The following KLF12 variants were observed in gnomAD, a reference collection of about 807,000 sequenced individuals.
KLF12 encodes the protein Krueppel-like factor 12.
In KLF12, 9 loss-of-function variants were observed where a neutral mutation model predicts 37.8. The ratio of observed to expected loss-of-function variants is 0.24; its 90% confidence interval spans 0.14 to 0.42. The LOEUF (loss-of-function observed/expected upper bound fraction) is 0.42, where lower values mean the gene tolerates loss of function less well. Ranked by LOEUF, KLF12 falls within the 10% of genes least tolerant of loss-of-function variation. The pLI, the probability that KLF12 is intolerant of heterozygous loss-of-function variation, is 1.00. For synonymous variants in KLF12, 208 were observed against 202.1 expected (o/e 1.03, Z -0.25); for missense variants, 411 against 516.0 (o/e 0.80, Z 1.97).
chr13:74,066,442 G>T (rs529428429), intron 1 of KLF12, among the ~76,000 whole-genome samples: 1 of 152,054 alleles, frequency 6.6e-6, no homozygotes, highest in Non-Finnish European at 1.5e-5. Flanking sequence ...TGGGAGGATC[G>T]CTTGAGCTCA....
the KLF12 span, among the ~76,000 whole-genome samples, chr13:74,273,007 T>C: frequency 1.3e-5 from 2 of 152,186 alleles, no homozygotes; most frequent in Non-Finnish European, 2.9e-5. Flanking sequence ...TTAAGCAAAC[T>C]GGGTCAAATG....
At chr13:74,217,560 C>T in the KLF12 span, among the ~76,000 whole-genome samples, 2 of 152,104 alleles carry the variant, frequency 1.3e-5, no homozygotes, top group Non-Finnish European at 2.9e-5. Flanking sequence ...AAGCCCATCT[C>T]TACTAAAAAT....
chr13:73,849,869 T>G (rs1033345234), intron 3 of KLF12, among the ~76,000 whole-genome samples: 5 of 152,194 alleles, frequency 3.3e-5, no homozygotes, highest in African/African-American at 1.2e-4. Flanking sequence ...GCTGAATTTT[T>G]GCTGTTGATG....
the KLF12 span, among the ~76,000 whole-genome samples, chr13:74,166,569 C>T: frequency 1.3e-5 from 2 of 152,216 alleles, no homozygotes; most frequent in Admixed American, 6.5e-5. Context: ...TTAAGTAGCT[C>T]ACTCCCATTA....
chr13:74,238,683 C>T, the KLF12 span, among the ~76,000 whole-genome samples: 2 of 149,682 alleles, frequency 1.3e-5, no homozygotes, highest in East Asian at 3.9e-4. Flanking sequence ...GTGTATGTGT[C>T]CAGGAATTTA....
chr13:74,052,978 C>T (rs933440848), intron 1 of KLF12, among the ~76,000 whole-genome samples: 14 of 152,116 alleles, frequency 9.2e-5, no homozygotes, highest in Admixed American at 8.5e-4. Context: ...TATCCACCAC[C>T]GTCATACAAG....
intron 3 of KLF12, among the ~76,000 whole-genome samples, chr13:73,912,892 G>A (rs1888637630): frequency 6.6e-6 from 1 of 151,812 alleles, no homozygotes; most frequent in African/African-American, 2.4e-5. Flanking sequence ...TGAAGCTTTA[G>A]GCTTCATCCT....
chr13:73,766,114 C>CA (rs374364211), intron 5 of KLF12, among the ~76,000 whole-genome samples: 1 of 152,324 alleles, frequency 6.6e-6, no homozygotes, highest in Non-Finnish European at 1.5e-5. Context: ...TTCTTTTCCT[C>CA]ACAGCGCTTC....
intron 5 of KLF12, among the ~76,000 whole-genome samples, chr13:73,780,607 A>G (rs550277113): frequency 2.0e-5 from 3 of 151,996 alleles, no homozygotes; most frequent in Admixed American, 6.6e-5. Flanking sequence ...AGCCTCTGGC[A>G]TGTGCCACCA....
At chr13:73,753,218 T>A (rs1028501354) in intron 6 of KLF12, among the ~76,000 whole-genome samples, 3 of 152,124 alleles carry the variant, frequency 2.0e-5, no homozygotes, top group Admixed American at 2.0e-4. Flanking sequence ...GCTGAGGTTG[T>A]TTCACGCTTC....
At chr13:74,011,423 C>A (rs1030609715) in intron 1 of KLF12, among the ~76,000 whole-genome samples, 48 of 152,082 alleles carry the variant, frequency 3.2e-4, no homozygotes, top group Non-Finnish European at 1.5e-4. Context: ...GTGTGCAATA[C>A]AAAAATAACT....
intron 3 of KLF12, among the ~76,000 whole-genome samples, chr13:73,853,847 A>G (rs1007019069): frequency 7.2e-5 from 11 of 152,194 alleles, no homozygotes; most frequent in African/African-American, 2.7e-4. Context: ...AACCTTTAGC[A>G]AATAGAAGAT....
At chr13:74,009,914 C>T (rs1390288214) in intron 1 of KLF12, among the ~76,000 whole-genome samples, 3 of 152,136 alleles carry the variant, frequency 2.0e-5, no homozygotes, top group Admixed American at 6.6e-5. Context: ...CAAACTATAA[C>T]GAAGATCTTG....
chr13:73,806,536 A>G lies in KLF12; in HGVS notation c.806+6616T>C, dbSNP rs570276914. On this transcript the variant is annotated intron_variant, in intron 5 of 7. Transcript: ENST00000377669. Reference sequence around the variant, plus strand: ...GCACCACAGCACCCAGCTGCTTTAGAGATTTTAAAGCCACAACATGAAAAC... The same window carrying G: ...GCACCACAGCACCCAGCTGCTTTAGGGATTTTAAAGCCACAACATGAAAAC... 1.2e-4 allele frequency among the ~76,000 whole-genome samples: 18 copies of G among 152,094 alleles called. No homozygotes were observed. In the South Asian group the frequency reaches 1.7e-3, roughly 14 times the overall value.
chr13:74,300,595 A>G, the KLF12 span, among the ~76,000 whole-genome samples: 2 of 152,140 alleles, frequency 1.3e-5, no homozygotes, highest in African/African-American at 4.8e-5. Flanking sequence ...CTTCCTAAAT[A>G]GATCACTGCA....
intron 5 of KLF12, among the ~76,000 whole-genome samples, chr13:73,785,762 C>T (rs1021364290): frequency 6.6e-6 from 1 of 152,116 alleles, no homozygotes; most frequent in African/African-American, 2.4e-5. Flanking sequence ...ACTGCTATTG[C>T]AATCCCTCTA....
chr13:73,991,311 A>C (rs750572639), intron 2 of KLF12, among the ~76,000 whole-genome samples: 3 of 152,234 alleles, frequency 2.0e-5, no homozygotes, highest in Non-Finnish European at 4.4e-5. Flanking sequence ...TGCTCAACAT[A>C]ACACTAATGC....
chr13:73,709,104 A>T (rs545992289), intron 7 of KLF12, among the ~76,000 whole-genome samples: 1 of 152,192 alleles, frequency 6.6e-6, no homozygotes, highest in South Asian at 2.1e-4. Context: ...CACTCATGAA[A>T]ATATACTTAT....
At chr13:74,195,134 T>C in the KLF12 span, among the ~76,000 whole-genome samples, 1 of 152,224 alleles carries the variant, frequency 6.6e-6, no homozygotes, top group Non-Finnish European at 1.5e-5. Context: ...CTCCAGTTTT[T>C]TTATTGGCAG....
Sources: allele counts gnomAD v4.1 joint callset (sites outside exome capture counted in the v4.1 genomes callset), GRCh38; gene constraint gnomAD v4.1.1; transcripts MANE v1.5; gene names NCBI Gene and HGNC (gene_info 2026-07-23, HGNC 2026-07-21).